BRINP3: variants seen among roughly 807,000 people sequenced by gnomAD.
BRINP3 encodes the protein BMP/retinoic acid inducible neural specific 3, also known as BMP/retinoic acid-inducible neural-specific protein 3.
A neutral mutation model predicts 71.0 loss-of-function variants in BRINP3; 19 were observed. The ratio of observed to expected loss-of-function variants is 0.27; its 90% CI spans 0.19 to 0.39. The LOEUF (loss-of-function observed/expected upper bound fraction) is 0.39. Ranked by LOEUF, BRINP3 falls within the 10% of genes least tolerant of loss-of-function variation. The pLI, the probability that BRINP3 is intolerant of heterozygous loss-of-function variation, is 1.00. For missense variants in BRINP3, 959 were observed against 940.8 expected (o/e 1.02, Z -0.25); for synonymous variants, 380 against 337.7 (o/e 1.13, Z -1.37).
chr1:190,261,850 A>G (rs1293596993), intron 4 of BRINP3, among the ~76,000 whole-genome samples: 2 of 152,200 alleles, frequency 1.3e-5, no homozygotes, highest in Admixed American at 6.5e-5. Flanking sequence ...AAAGGAATTA[A>G]GATCTTGGTT....
chr1:190,309,211 A>G (rs1408878533), intron 2 of BRINP3, among the ~76,000 whole-genome samples: 2 of 151,832 alleles, frequency 1.3e-5, no homozygotes, highest in South Asian at 2.1e-4. Context: ...TGCTAAAAAT[A>G]TTGTATGATT....
intron 2 of BRINP3, among the ~76,000 whole-genome samples, chr1:190,293,565 G>C (rs1477357871): frequency 6.6e-6 from 1 of 152,118 alleles, no homozygotes; most frequent in African/African-American, 2.4e-5. Flanking sequence ...TAACTTTGAT[G>C]TTTCCTTGTT....
At chr1:190,365,562 A>G (rs1316658525) in intron 2 of BRINP3, among the ~76,000 whole-genome samples, 1 of 147,344 alleles carries the variant, frequency 6.8e-6, no homozygotes, top group East Asian at 1.9e-4. Context: ...ATATAATTAT[A>G]TTTTAGTTTT....
intron 7 of BRINP3, among the ~76,000 whole-genome samples, chr1:190,158,419 C>T: frequency 6.6e-6 from 1 of 151,966 alleles, no homozygotes; most frequent in East Asian, 1.9e-4. Flanking sequence ...ACATTTGGTA[C>T]TTATGGACAT....
At chr1:190,249,178 TAGAACAGC>T (rs1404870593) in intron 4 of BRINP3, among the ~76,000 whole-genome samples, 1 of 151,790 alleles carries the variant, frequency 6.6e-6, no homozygotes, top group Non-Finnish European at 1.5e-5. Flanking sequence ...GTAGCTTAAA[TAGAACAGC>T]AGTAGCCTAT....
At chr1:190,439,246 A>G (rs914121692) in intron 2 of BRINP3, among the ~76,000 whole-genome samples, 2 of 151,934 alleles carry the variant, frequency 1.3e-5, no homozygotes, top group Non-Finnish European at 2.9e-5. Flanking sequence ...ATAAGTAGGC[A>G]TAATGTTCAT....
At chr1:190,331,755 GGTAA>G (rs141398947) in intron 2 of BRINP3, among the ~76,000 whole-genome samples, 20,680 of 151,974 alleles carry the variant, frequency 0.14, 1,848 homozygotes, top group South Asian at 0.26. Context: ...CCAATGCATA[GGTAA>G]GAATTAACTC....
intron 5 of BRINP3, 152 bp downstream of exon 5, chr1:190,234,220 C>G: frequency 2.1e-6 from 1 of 465,978 alleles, no homozygotes; most frequent in South Asian, 6.1e-5. Context: ...TTCATATTTT[C>G]TTGTATCAGT....
chr1:190,296,208 G>A (rs1195161368), intron 2 of BRINP3, among the ~76,000 whole-genome samples: 2 of 147,012 alleles, frequency 1.4e-5, no homozygotes, highest in Non-Finnish European at 3.0e-5. Flanking sequence ...AATATTCCTA[G>A]GATGTACCCA....
chr1:190,316,419 T>C (rs1394587507), intron 2 of BRINP3, among the ~76,000 whole-genome samples: 2 of 152,098 alleles, frequency 1.3e-5, no homozygotes, highest in Non-Finnish European at 1.5e-5. Context: ...CTTCTCTCAA[T>C]TGCTATTCTG....
intron 2 of BRINP3, among the ~76,000 whole-genome samples, chr1:190,370,302 T>C (rs556102342): frequency 1.8e-4 from 27 of 152,284 alleles, no homozygotes; most frequent in Middle Eastern, 6.8e-3. Context: ...AAACAGAAGA[T>C]ATTTGTAAAA....
rs755844716 is a variant in BRINP3, at chr1:190,454,925, A to C, written c.-35T>G. On this transcript the variant is annotated 5_prime_UTR_variant, in exon 2 of 8. Coordinates refer to ENST00000367462, the MANE Select transcript of BRINP3 (RefSeq NM_199051.3). ...GGGGATTTAGAGCCTTCATTCTCTC[A>C]GCTTTCCCTCAACACCTAGACAAAA... 1 of 1,564,128 alleles carries C rather than the reference A, an allele frequency of 6.4e-7. No individual in the cohort carries two copies. Among genetic ancestry groups the C allele is most frequent in the South Asian group, 1.1e-5 (1 of 89,368 alleles).
intron 7 of BRINP3, among the ~76,000 whole-genome samples, chr1:190,124,106 G>A (rs1304533494): frequency 1.3e-5 from 2 of 152,186 alleles, no homozygotes; most frequent in African/African-American, 4.8e-5. Context: ...GTGCAACAGT[G>A]TTGGGAGATG....
intron 2 of BRINP3, among the ~76,000 whole-genome samples, chr1:190,313,823 G>C (rs1374171167): frequency 6.6e-6 from 1 of 151,948 alleles, no homozygotes; most frequent in Non-Finnish European, 1.5e-5. Flanking sequence ...ACCTGACCTT[G>C]GTGCTTTCAT....
chr1:190,242,576 C>T (rs1330978795), intron 4 of BRINP3, among the ~76,000 whole-genome samples: 1 of 152,022 alleles, frequency 6.6e-6, no homozygotes, highest in African/African-American at 2.4e-5. Context: ...CAACTATATT[C>T]TCTAATTTTA....
At chr1:190,198,102 T>C (rs1182792954) in intron 6 of BRINP3, among the ~76,000 whole-genome samples, 1 of 151,910 alleles carries the variant, frequency 6.6e-6, no homozygotes, top group Non-Finnish European at 1.5e-5. Flanking sequence ...CTCTGAAGGG[T>C]GCAAACAGTC....
In BRINP3 at chr1:190,281,590, T is replaced by C; in HGVS notation, c.397A>G (p.Thr133Ala). The change falls in exon 3 of 8, where the codon ACA becomes GCA. Residue 133 changes from threonine (T) to alanine (A), a missense_variant. Coordinates refer to ENST00000367462, the MANE Select transcript of BRINP3 (RefSeq NM_199051.3). Reference protein sequence around the residue: ...ITENLIKKYGTHFLLSATLGG... With the variant: ...ITENLIKKYGAHFLLSATLGG... The stretch of plus-strand genomic sequence containing the variant: ...AGAGTAGCAGATAGCAAGAAATGTG[T>C]CCCATATTTCTTGATAAGGTTTTCT... 6.2e-7 allele frequency: 1 copy of C among 1,612,606 alleles called. No homozygotes were observed. Among genetic ancestry groups the C allele is most frequent in the Non-Finnish European group, 8.5e-7 (1 of 1,179,084 alleles).
chr1:190,330,211 A>C (rs1233805491), intron 2 of BRINP3, among the ~76,000 whole-genome samples: 1 of 151,982 alleles, frequency 6.6e-6, no homozygotes, highest in Non-Finnish European at 1.5e-5. Flanking sequence ...CTACAGAATG[A>C]GAGAAAATAT....
chr1:190,174,660 T>C lies in BRINP3; in HGVS notation c.962-13770A>G, dbSNP rs550339609. Reference sequence around the variant, plus strand: ...AAATGCAGCACCAATTTCATAGTATTTATAGTATGCTACCTAATCAAAGAA... The same window carrying C: ...AAATGCAGCACCAATTTCATAGTATCTATAGTATGCTACCTAATCAAAGAA... On this transcript the variant is annotated intron_variant, in intron 6 of 7. Transcript: ENST00000367462. Among the ~76,000 whole-genome samples, 105 of 152,236 alleles carry C rather than the reference T, an allele frequency of 6.9e-4. 1 individual carries two copies. Among genetic ancestry groups the C allele is most frequent in the African/African-American group, 2.5e-3 (104 of 41,564 alleles).
Sources: allele counts gnomAD v4.1 joint callset (sites outside exome capture counted in the v4.1 genomes callset), GRCh38; gene constraint gnomAD v4.1.1; transcripts MANE v1.5; gene names NCBI Gene and HGNC (gene_info 2026-07-23, HGNC 2026-07-21).